ELN: variants seen among roughly 807,000 people sequenced by gnomAD.
ELN encodes elastin, also known as tropoelastin.
ELN carries 65 observed loss-of-function variants against 105.8 expected under a neutral mutation model. That is an observed-to-expected ratio of 0.61 (90% CI 0.50 to 0.75). ELN has a LOEUF of 0.75. ELN is among the 30% of genes least tolerant of loss of function. ELN has a pLI of 0.00. For missense variants in ELN, 882 were observed against 969.4 expected (o/e 0.91, Z 1.20); for synonymous variants, 368 against 389.2 (o/e 0.95, Z 0.64).
chr7:74,062,653 T>G (rs1412765306), intron 26 of ELN, among the ~76,000 whole-genome samples: 2 of 152,018 alleles, frequency 1.3e-5, no homozygotes, highest in Non-Finnish European at 2.9e-5. Flanking sequence ...CGGGTTCAAG[T>G]GATTCTCCTG....
At chr7:74,053,331 TG>T (rs782390784) in intron 18 of ELN, 22 bp downstream of exon 18, 206 of 1,537,602 alleles carry the variant, frequency 1.3e-4, no homozygotes, top group Non-Finnish European at 1.7e-4. Context: ...TGTGTGTGTG[TG>T]TGTGTGTGTG....
chr7:74,060,221 C>A (rs782116960), intron 24 of ELN, 37 bp downstream of exon 24: 2 of 1,613,950 alleles, frequency 1.2e-6, no homozygotes, highest in Non-Finnish European at 1.7e-6. Flanking sequence ...CTCTCCCCAA[C>A]GATCTCAGAG....
In ELN at chr7:74,063,294, C is replaced by T; in HGVS notation, c.1859-16C>T. The T allele has an allele frequency of 1.3e-6, 2 of 1,563,514 alleles. No individual in the cohort carries two copies. Among genetic ancestry groups the T allele is most frequent in the East Asian group, 2.3e-5 (1 of 42,838 alleles). On this transcript the variant is annotated splice_polypyrimidine_tract_variant and intron_variant, in intron 27 of 32. Coordinates refer to ENST00000252034, the MANE Select transcript of ELN (RefSeq NM_000501.4). The surrounding 1 kb of genome is among the most constrained non-coding windows in gnomAD (Gnocchi z 4.1). ...CCAGTACAGAGTGCCTCCCTGAACTCGGTCTGTGTTCCCAGGAGCCGGACC... is the reference window on the plus strand; with the variant it reads ...CCAGTACAGAGTGCCTCCCTGAACTTGGTCTGTGTTCCCAGGAGCCGGACC...
intron 29 of ELN, among the ~76,000 whole-genome samples, chr7:74,064,097 TGTC>T (rs1478976755): frequency 7.0e-6 from 1 of 143,800 alleles, no homozygotes; most frequent in African/African-American, 2.6e-5. Flanking sequence ...AGTGAGACCC[TGTC>T]ATCTAAAAAA....
At chr7:74,056,547 G>A in intron 20 of ELN, 112 bp downstream of exon 20, 1 of 1,601,384 alleles carries the variant, frequency 6.2e-7, no homozygotes, top group Non-Finnish European at 8.5e-7. Flanking sequence ...TGTGCTCAGG[G>A]AGGAGTTGGG....
intron 1 of ELN, among the ~76,000 whole-genome samples, chr7:74,029,713 C>T (rs541896103): frequency 3.3e-5 from 5 of 152,334 alleles, no homozygotes; most frequent in East Asian, 1.9e-4. Flanking sequence ...GCAGCAGCCC[C>T]GGGTCCGTCT....
chr7:74,043,021 A>G lies in ELN; in HGVS notation c.363A>G (p.Leu121=). The change falls in exon 7 of 33, where the codon TTA becomes TTG. Residue 121 remains leucine, a synonymous_variant. Transcript: ENST00000252034. Reference sequence around the variant, plus strand: ...GTGGTGTCCCAGGAGTTGGTGGCTTAGGAGTGTCTGCAGGTACGATGGCTA... The same window carrying G: ...GTGGTGTCCCAGGAGTTGGTGGCTTGGGAGTGTCTGCAGGTACGATGGCTA... ...GLGGVPGVGG[L]GVSAGAVVPQ... The G allele has an allele frequency of 6.2e-7, 1 of 1,614,044 alleles. No individual in the cohort carries two copies. Among genetic ancestry groups the G allele is most frequent in the Non-Finnish European group, 8.5e-7 (1 of 1,179,988 alleles).
rs1158791972 is a variant in ELN, at chr7:74,063,966, G to T, written c.1993+271G>T. ...AAAAATACAAAAATAAGCCGGGCGT[G>T]GTGGTGGGCACCTGTATTTCCAGCT... On this transcript the variant is annotated intron_variant, in intron 29 of 32. Coordinates refer to ENST00000252034, the MANE Select transcript of ELN (RefSeq NM_000501.4). This position sits in a 1 kb window ranked among gnomAD's most constrained non-coding sequence, Gnocchi z 4.1. 6.6e-6 allele frequency among the ~76,000 whole-genome samples: 1 copy of T among 152,082 alleles called. No individual in the cohort carries two copies. The highest frequency in any genetic ancestry group is 1.5e-5 in the Non-Finnish European group (1 of 68,016).
Position 74,063,204 on chromosome 7 carries a change from G to T in ELN, c.1838G>T (p.Gly613Val). The T allele has an allele frequency of 6.2e-7, 1 of 1,609,262 alleles. No individual in the cohort carries two copies. Among genetic ancestry groups the T allele is most frequent in the South Asian group, 1.1e-5 (1 of 89,238 alleles). The change falls in exon 27 of 33, where the codon GGC (glycine) becomes GTC (valine). Residue 613 changes from glycine (G) to valine (V), a missense_variant. Physicochemically the swap from Gly to Val is moderately radical, Grantham distance 109. Coordinates refer to ENST00000252034, the MANE Select transcript of ELN (RefSeq NM_000501.4). The surrounding 1 kb of genome is among the most constrained non-coding windows in gnomAD (Gnocchi z 4.1). ...LGGLGALGGV[G>V]IPGGVVGAGP... ...GGGCTCGGGGCTCTCGGTGGAGTAG[G>T]CATCCCAGGCGGTGTGGTGGGTGAG...
At chr7:74,036,434 G>A in intron 2 of ELN, 121 bp from the exon 3 acceptor site, 1 of 1,300,424 alleles carries the variant, frequency 7.7e-7, no homozygotes, top group Admixed American at 1.7e-5. Flanking sequence ...CTTGCAGAGA[G>A]CAGGTCTTGC....
chr7:74,052,174 A>T (rs1794201026), intron 17 of ELN, 191 bp downstream of exon 17: 2 of 674,140 alleles, frequency 3.0e-6, no homozygotes, highest in Admixed American at 5.4e-5. Context: ...TGATTAACTC[A>T]GCAGAGGGAG....
At chr7:74,048,999 C>G (rs1330758861) in intron 15 of ELN, among the ~76,000 whole-genome samples, 1 of 151,586 alleles carries the variant, frequency 6.6e-6, no homozygotes, top group African/African-American at 2.4e-5. Context: ...ATGCATCCAT[C>G]CATCCATCCA....
intron 20 of ELN, 61 bp downstream of exon 20, chr7:74,056,496 C>A: frequency 1.2e-6 from 2 of 1,611,726 alleles, no homozygotes; most frequent in Admixed American, 3.3e-5. Context: ...CTTGTCTGCT[C>A]GGCTCTGCAG....
intron 1 of ELN, 111 bp downstream of exon 1, chr7:74,028,380 C>A (rs1787914946): frequency 7.8e-7 from 1 of 1,286,350 alleles, no homozygotes. Context: ...TGCAAGGGGT[C>A]CCAGGTGGGA....
chr7:74,043,957 G>C, intron 9 of ELN, 37 bp downstream of exon 9: 1 of 1,613,436 alleles, frequency 6.2e-7, no homozygotes, highest in Non-Finnish European at 8.5e-7. Context: ...TCTATAGGAA[G>C]AAAGCAGCCA....
intron 4 of ELN, 69 bp from the exon 5 acceptor site, chr7:74,041,147 C>T (rs1199302911): frequency 3.7e-6 from 6 of 1,608,832 alleles, no homozygotes; most frequent in African/African-American, 1.3e-5. Flanking sequence ...TGCCCTAACT[C>T]CAGGAGACAT....
chr7:74,055,634 C>A (rs1397829242), intron 19 of ELN, among the ~76,000 whole-genome samples: 1 of 151,938 alleles, frequency 6.6e-6, no homozygotes, highest in African/African-American at 2.4e-5. Flanking sequence ...CATGCACCAC[C>A]ATGCCTGGCT....
intron 29 of ELN, among the ~76,000 whole-genome samples, chr7:74,064,028 A>G (rs1262617605): frequency 5.9e-5 from 9 of 151,962 alleles, no homozygotes; most frequent in African/African-American, 2.2e-4. Context: ...GCTTGAGCCC[A>G]GGAGGCAGAG....
At chr7:74,055,072 A>C (rs1017023195) in intron 19 of ELN, among the ~76,000 whole-genome samples, 13 of 152,368 alleles carry the variant, frequency 8.5e-5, no homozygotes, top group Admixed American at 8.5e-4. Flanking sequence ...TTCTGCCAAT[A>C]GTCTCTCTGC....
Sources: gnomAD v4.1 joint callset for allele counts (sites outside exome capture counted in the v4.1 genomes callset) on GRCh38, gnomAD v4.1.1 for gene constraint, Gnocchi (gnomAD v3.1) non-coding constraint, MANE v1.5 for transcripts, NCBI Gene and HGNC (gene_info 2026-07-23, HGNC 2026-07-21) for gene names.